The following VIT variants were observed in gnomAD, a reference collection of about 807,000 sequenced individuals.
VIT encodes the protein vitrin.
VIT carries 99 observed loss-of-function variants against 78.0 expected under a neutral mutation model. That is an observed-to-expected ratio of 1.27 (90% confidence interval 1.08 to 1.50). The LOEUF is 1.50. Among genes scored for constraint, VIT ranks in the 40% most tolerant of loss-of-function variants. VIT has a pLI of 0.00. For missense variants in VIT, 1,126 were observed against 875.3 expected (o/e 1.29, Z -3.61); for synonymous variants, 374 against 334.3 (o/e 1.12, Z -1.29).
chr2:36,730,008 G>A (rs959550006), intron 3 of VIT, among the ~76,000 whole-genome samples: 2 of 152,154 alleles, frequency 1.3e-5, no homozygotes. Context: ...AGAAAATCTG[G>A]AATAAGGCCA....
In VIT at chr2:36,786,919, T is replaced by C. The variant is rs867791895; in HGVS notation, c.911-210T>C. ...AGATACATAGAGTTTTAAACAGTTA[T>C]GGAAATAAGGACTAGCCTAAGTGTC... On this transcript the variant is annotated intron_variant, in intron 11 of 15. Coordinates refer to ENST00000379242, the MANE Select transcript of VIT (RefSeq NM_053276.4). 2.0e-5 allele frequency among the ~76,000 whole-genome samples: 3 copies of C among 152,192 alleles called. 1 individual carries two copies. The highest frequency in any genetic ancestry group is 1.5e-5 in the Non-Finnish European group (1 of 68,032).
chr2:36,808,556 CG>C lies in VIT; in HGVS notation c.1477del (p.Val493SerfsTer14), dbSNP rs1666907695. On this transcript the variant is annotated frameshift_variant, in exon 15 of 16. Coordinates refer to ENST00000379242, the MANE Select transcript of VIT (RefSeq NM_053276.4). LOFTEE classifies it high-confidence loss of function. ...LHKTLQPLVKRVCDTDRLACS... is the reference protein window; with the variant it reads ...LHKTLQPLVKXVCDTDRLACS... ...CAAGACCCTGCAGCCTCTGGTGAAGCGGGTCTGCGACACTGACCGCCTGGCC... is the reference window on the plus strand; with the variant it reads ...CAAGACCCTGCAGCCTCTGGTGAAGCGGTCTGCGACACTGACCGCCTGGCC... 1 of 1,614,106 alleles carries C rather than the reference CG, an allele frequency of 6.2e-7. No individual in the cohort carries two copies. The highest frequency in any genetic ancestry group is 2.2e-5 in the East Asian group (1 of 44,882).
chr2:36,745,217 T>C (rs1258069337), intron 4 of VIT, among the ~76,000 whole-genome samples: 1 of 152,146 alleles, frequency 6.6e-6, no homozygotes, highest in Admixed American at 6.5e-5. Flanking sequence ...TTGATTGCTG[T>C]AGCCTTGTAG....
intron 9 of VIT, among the ~76,000 whole-genome samples, chr2:36,778,890 C>T (rs1457488950): frequency 6.6e-6 from 1 of 152,176 alleles, no homozygotes; most frequent in Non-Finnish European, 1.5e-5. Flanking sequence ...AGACTACACC[C>T]CAGGGGAGTC....
intron 6 of VIT, among the ~76,000 whole-genome samples, chr2:36,766,394 T>C (rs1451495816): frequency 6.6e-6 from 1 of 152,120 alleles, no homozygotes; most frequent in Admixed American, 6.6e-5. Flanking sequence ...TAGGCAGGTA[T>C]GGTGTCTTGC....
intron 3 of VIT, among the ~76,000 whole-genome samples, chr2:36,736,180 C>T (rs1667499148): frequency 6.6e-6 from 1 of 152,142 alleles, no homozygotes; most frequent in African/African-American, 2.4e-5. Context: ...CAGTTTCTAA[C>T]AGATTACCAA....
chr2:36,778,512 G>C (rs1670204779), intron 9 of VIT, among the ~76,000 whole-genome samples: 1 of 152,224 alleles, frequency 6.6e-6, no homozygotes, highest in Non-Finnish European at 1.5e-5. Context: ...ACCTAACCAT[G>C]GAGTTAATGT....
intron 13 of VIT, among the ~76,000 whole-genome samples, chr2:36,803,684 A>G (rs1666494838): frequency 6.6e-6 from 1 of 152,206 alleles, no homozygotes; most frequent in Middle Eastern, 3.2e-3. Context: ...ATATGTAACC[A>G]TTTGATGCTC....
chr2:36,789,612 C>T (rs763777661), intron 12 of VIT, among the ~76,000 whole-genome samples: 2 of 152,130 alleles, frequency 1.3e-5, no homozygotes, highest in Non-Finnish European at 2.9e-5. Context: ...TGCCCAGCTT[C>T]CTCTCCTGGA....
chr2:36,750,436 C>T, intron 4 of VIT, among the ~76,000 whole-genome samples: 1 of 152,214 alleles, frequency 6.6e-6, no homozygotes, highest in Non-Finnish European at 1.5e-5. Context: ...CTTGCTTCCT[C>T]TGGCACTTGC....
chr2:36,812,481 C>A (rs1667243865), intron 15 of VIT, among the ~76,000 whole-genome samples: 2 of 152,186 alleles, frequency 1.3e-5, no homozygotes, highest in Non-Finnish European at 2.9e-5. Context: ...TCAAGACCCA[C>A]CACCCCGGGC....
chr2:36,802,913 G>T (rs565829853), intron 13 of VIT, among the ~76,000 whole-genome samples: 75 of 152,366 alleles, frequency 4.9e-4, no homozygotes, highest in African/African-American at 1.7e-3. Flanking sequence ...TGTAGGCTGA[G>T]CTTTAAGAGA....
At chr2:36,751,251 C>A (rs770605932) in intron 4 of VIT, among the ~76,000 whole-genome samples, 2 of 152,200 alleles carry the variant, frequency 1.3e-5, no homozygotes, top group Non-Finnish European at 2.9e-5. Context: ...TGAAAATCAG[C>A]TGGGTGTGGT....
intron 3 of VIT, among the ~76,000 whole-genome samples, chr2:36,731,091 C>G (rs1667176037): frequency 6.6e-6 from 1 of 151,906 alleles, no homozygotes; most frequent in Non-Finnish European, 1.5e-5. Context: ...AGGCTTTAAA[C>G]TGTCTTCTGC....
At chr2:36,702,961 T>C (rs182295920) in intron 1 of VIT, among the ~76,000 whole-genome samples, 2 of 152,188 alleles carry the variant, frequency 1.3e-5, no homozygotes, top group African/African-American at 4.8e-5. Flanking sequence ...CAGCCCTCCA[T>C]GCACCTGACT....
intron 3 of VIT, among the ~76,000 whole-genome samples, chr2:36,740,524 A>T (rs528709668): frequency 7.2e-5 from 11 of 152,322 alleles, no homozygotes; most frequent in African/African-American, 2.6e-4. Flanking sequence ...AAATTTAACA[A>T]ATTTTTTACC....
At chr2:36,712,005 C>G (rs995521267) in intron 1 of VIT, among the ~76,000 whole-genome samples, 2 of 152,162 alleles carry the variant, frequency 1.3e-5, no homozygotes, top group African/African-American at 2.4e-5. Context: ...TTTGTTAGAA[C>G]CCGGGTGAGC....
intron 1 of VIT, among the ~76,000 whole-genome samples, chr2:36,697,730 A>G (rs375587780): frequency 4.6e-5 from 7 of 152,348 alleles, no homozygotes; most frequent in African/African-American, 1.7e-4. Flanking sequence ...TAGACATGAC[A>G]GTTTTCTCCA....
At chr2:36,703,134 T>C (rs1665170662) in intron 1 of VIT, among the ~76,000 whole-genome samples, 1 of 152,178 alleles carries the variant, frequency 6.6e-6, no homozygotes, top group Admixed American at 6.5e-5. Context: ...CCACTTCAAA[T>C]TGGGTTACTG....
Sources: allele counts gnomAD v4.1 joint callset (sites outside exome capture counted in the v4.1 genomes callset), GRCh38; gene constraint gnomAD v4.1.1; transcripts MANE v1.5; gene names NCBI Gene and HGNC (gene_info 2026-07-23, HGNC 2026-07-21).